SPPL2A: variants seen among roughly 807,000 people sequenced by gnomAD.
The protein encoded by SPPL2A is signal peptide peptidase-like 2A.
A neutral mutation model predicts 63.8 loss-of-function variants in SPPL2A; 51 were observed. The ratio of observed to expected loss-of-function variants is 0.80; its 90% CI spans 0.64 to 1.01. The LOEUF (loss-of-function observed/expected upper bound fraction) is 1.01. Among genes scored for constraint, SPPL2A ranks in the 50% least tolerant of loss-of-function variants. SPPL2A has a pLI of 0.00. For synonymous variants in SPPL2A, 188 were observed against 205.8 expected (o/e 0.91, Z 0.74); for missense variants, 553 against 622.7 (o/e 0.89, Z 1.19).
rs746783460 is a variant in SPPL2A, at chr15:50,748,221, T to C, written c.361-19A>G. ...GAGGAAACTAAAAAAGAAAAAATTATGAAAACTTATTTACTACTAATATAT... is the reference window on the plus strand; with the variant it reads ...GAGGAAACTAAAAAAGAAAAAATTACGAAAACTTATTTACTACTAATATAT... On this transcript the variant is annotated intron_variant, in intron 3 of 14. Coordinates refer to ENST00000261854, the MANE Select transcript of SPPL2A (RefSeq NM_032802.4). 1.3e-5 allele frequency: 14 copies of C among 1,037,802 alleles called. No homozygotes were observed. Among genetic ancestry groups the C allele is most frequent in the South Asian group, 3.6e-5 (2 of 55,186 alleles). The allele number at this position is 1,037,802 out of a possible 1,614,324, so 64.3% of individuals were successfully genotyped here.
chr15:50,709,548 T>C (rs1309418431), intron 14 of SPPL2A, among the ~76,000 whole-genome samples: 2 of 152,010 alleles, frequency 1.3e-5, no homozygotes, highest in African/African-American at 2.4e-5. Context: ...TCTCAGCACT[T>C]TGGGAGGCCG....
intron 6 of SPPL2A, among the ~76,000 whole-genome samples, chr15:50,739,170 C>CTTT (rs71127136): frequency 4.8e-4 from 51 of 106,936 alleles, no homozygotes; most frequent in African/African-American, 8.3e-4. Flanking sequence ...ACATAACGTA[C>CTTT]TTTTTTTTTT....
chr15:50,731,056 C>A lies in SPPL2A; in HGVS notation c.1015-17G>T. ...CACACATGACTGTCAAAGAAAGAAA[C>A]AAAATTAAAGGTCAATCTTCCTAAA... On this transcript the variant is annotated splice_polypyrimidine_tract_variant and intron_variant, in intron 9 of 14. Transcript: ENST00000261854. The A allele has an allele frequency of 2.4e-6, 3 of 1,232,412 alleles. No homozygotes were observed. The highest frequency in any genetic ancestry group is 4.8e-5 in the East Asian group (2 of 41,820). 76.3% of individuals were successfully genotyped at this position (1,232,412 alleles called of 1,614,324 possible).
intron 10 of SPPL2A, among the ~76,000 whole-genome samples, chr15:50,729,556 G>C (rs2062714450): frequency 6.6e-6 from 1 of 152,066 alleles, no homozygotes; most frequent in South Asian, 2.1e-4. Flanking sequence ...AGGAGGTTAA[G>C]GCTGCAGTAA....
chr15:50,747,740 A>C, intron 4 of SPPL2A, 112 bp from the exon 5 acceptor site: 1 of 724,826 alleles, frequency 1.4e-6, no homozygotes, highest in Non-Finnish European at 2.3e-6. Context: ...CAGACAGTCA[A>C]GAAGACTAGA....
intron 1 of SPPL2A, among the ~76,000 whole-genome samples, chr15:50,755,801 T>C (rs1272494193): frequency 6.6e-6 from 1 of 151,934 alleles, no homozygotes; most frequent in Non-Finnish European, 1.5e-5. Flanking sequence ...GCAGTGCTTA[T>C]AGGAGACAAG....
intron 12 of SPPL2A, among the ~76,000 whole-genome samples, chr15:50,724,651 A>G (rs2062672481): frequency 6.6e-6 from 1 of 152,218 alleles, no homozygotes; most frequent in African/African-American, 2.4e-5. Flanking sequence ...TTCTAAACTA[A>G]ATTATTAATG....
rs973398142 is a variant in SPPL2A at position 50,706,822 on chromosome 15, T to C, written c.*978A>G. 6.6e-6 allele frequency: 1 copy of C among 152,062 alleles called. No homozygotes were observed. Among genetic ancestry groups the C allele is most frequent in the African/African-American group, 2.4e-5 (1 of 41,436 alleles). The allele number at this position is 152,062 out of a possible 1,614,324, so 9.4% of individuals were successfully genotyped here. ...AGCTACATTTAAAAAAAAAAGGCTG[T>C]CAAACCAATGAAAACTAGATTTCAG... On this transcript the variant is annotated 3_prime_UTR_variant, in exon 15 of 15. Transcript: ENST00000261854.
intron 14 of SPPL2A, among the ~76,000 whole-genome samples, chr15:50,711,311 G>A (rs2062556373): frequency 6.7e-6 from 1 of 150,254 alleles, no homozygotes; most frequent in Non-Finnish European, 1.5e-5. Flanking sequence ...CCGGGTTCAA[G>A]CAATTCTCCC....
intron 5 of SPPL2A, among the ~76,000 whole-genome samples, chr15:50,743,973 G>A (rs1435102016): frequency 6.6e-6 from 1 of 151,772 alleles, no homozygotes; most frequent in Non-Finnish European, 1.5e-5. Context: ...TCAGGAGTTC[G>A]AGACCAACCT....
In SPPL2A at chr15:50,709,438, T is replaced by C. The variant is rs374021919; in HGVS notation, c.1489-1564A>G. Among the ~76,000 whole-genome samples, 11 of 152,198 alleles carry C rather than the reference T, an allele frequency of 7.2e-5. No individual in the cohort carries two copies. In the East Asian group the frequency reaches 1.2e-3, roughly 16 times the overall value. On this transcript the variant is annotated intron_variant, in intron 14 of 14. Transcript: ENST00000261854. ...CTCTTGACTTGCCAGGCAGAAAGAATACAACGTGAGCTAAGGCTTTTGGCT... is the reference window on the plus strand; with the variant it reads ...CTCTTGACTTGCCAGGCAGAAAGAACACAACGTGAGCTAAGGCTTTTGGCT...
chr15:50,765,486 C>T lies in SPPL2A; in HGVS notation c.48G>A (p.Trp16Ter). 2 of 1,504,454 alleles carry T rather than the reference C, an allele frequency of 1.3e-6. No homozygotes were observed. The highest frequency in any genetic ancestry group is 1.8e-6 in the Non-Finnish European group (2 of 1,134,188). 93.2% of individuals were successfully genotyped at this position (1,504,454 alleles called of 1,614,324 possible). ...CCCTTACCAGCTGGAGCAGGAAGCCCCAGAGTAGGGCGGCCCCGGCAGGGG... is the reference window on the plus strand; with the variant it reads ...CCCTTACCAGCTGGAGCAGGAAGCCTCAGAGTAGGGCGGCCCCGGCAGGGG... ...RLSPAGAALL[W>*]GFLLQLTAAQ... Residue 16 changes from tryptophan to a stop codon, truncating the protein, a stop_gained, in exon 1 of 15, where the codon TGG (tryptophan) becomes TGA (stop). Coordinates refer to ENST00000261854, the MANE Select transcript of SPPL2A (RefSeq NM_032802.4). LOFTEE classifies it high-confidence loss of function.
rs2062739875 is a variant in SPPL2A at position 50,732,636 on chromosome 15, A to G, written c.981T>C (p.Asn327=). The change falls in exon 9 of 15, where the codon AAT becomes AAC. Residue 327 remains asparagine (N), a synonymous_variant. Coordinates refer to ENST00000261854, the MANE Select transcript of SPPL2A (RefSeq NM_032802.4). ...TGGGCAACTTCAGTGTTTTAATTAA[A>G]TTCAGACAGAAAGCAATCCCCAAGA... ...QDILGIAFCL[N]LIKTLKLPNF... 1 of 1,611,260 alleles carries G rather than the reference A, an allele frequency of 6.2e-7. No homozygotes were observed. The highest frequency in any genetic ancestry group is 8.5e-7 in the Non-Finnish European group (1 of 1,177,888).
At chr15:50,732,707 T>C in intron 8 of SPPL2A, 23 bp from the exon 9 acceptor site, 1 of 1,408,558 alleles carries the variant, frequency 7.1e-7, no homozygotes. Flanking sequence ...AATATTACTC[T>C]ATTGCTTTAT....
chr15:50,748,747 CT>C lies in SPPL2A; in HGVS notation c.300del (p.Ala101ProfsTer13). On this transcript the variant is annotated frameshift_variant, in exon 3 of 15. Transcript: ENST00000261854. LOFTEE classifies it high-confidence loss of function. ...VPWGSCHFLE[K>X]ARIAQKGGAE... Reference sequence around the variant, plus strand: ...GCACCTCCTTTCTGTGCAATTCTGGCTTTTTCAAGAAAATGGCAGCTTCCCC... The same window carrying C: ...GCACCTCCTTTCTGTGCAATTCTGGCTTTTCAAGAAAATGGCAGCTTCCCC... 2 of 1,612,110 alleles carry C rather than the reference CT, an allele frequency of 1.2e-6. No homozygotes were observed. Among genetic ancestry groups the C allele is most frequent in the Non-Finnish European group, 1.7e-6 (2 of 1,179,212 alleles).
intron 1 of SPPL2A, among the ~76,000 whole-genome samples, chr15:50,757,702 A>C (rs1198475150): frequency 1.3e-5 from 2 of 152,160 alleles, no homozygotes; most frequent in Admixed American, 1.3e-4. Flanking sequence ...TCTCATGAAC[A>C]ATTTTAATTT....
chr15:50,744,054 C>G (rs903306326), intron 5 of SPPL2A, among the ~76,000 whole-genome samples: 3 of 151,828 alleles, frequency 2.0e-5, no homozygotes, highest in African/African-American at 7.3e-5. Context: ...TAGTTCACAC[C>G]TACAATCCCA....
At chr15:50,714,229 A>G (rs911286260) in intron 14 of SPPL2A, among the ~76,000 whole-genome samples, 1 of 152,210 alleles carries the variant, frequency 6.6e-6, no homozygotes, top group Non-Finnish European at 1.5e-5. Context: ...CTTAGCTACT[A>G]TGTTATATGG....
intron 1 of SPPL2A, among the ~76,000 whole-genome samples, chr15:50,761,078 T>C (rs1035571417): frequency 1.2e-4 from 18 of 152,076 alleles, no homozygotes; most frequent in Admixed American, 1.3e-4. Context: ...GGCGTGATCA[T>C]AGCTAACTGC....
Sources: gnomAD v4.1 joint callset for allele counts (sites outside exome capture counted in the v4.1 genomes callset) on GRCh38, gnomAD v4.1.1 for gene constraint, MANE v1.5 for transcripts, NCBI Gene and HGNC (gene_info 2026-07-23, HGNC 2026-07-21) for gene names.